RBM47: variants seen among roughly 807,000 people sequenced by gnomAD.
RBM47 encodes RNA binding motif protein 47, also known as RNA-binding protein 47.
Under a neutral mutation model 47.1 loss-of-function variants are expected in RBM47, and 21 were observed. That is an observed-to-expected ratio of 0.45 (90% CI 0.32 to 0.64). The LOEUF (loss-of-function observed/expected upper bound fraction) is 0.64, where lower values mean the gene tolerates loss of function less well. Among genes scored for constraint, RBM47 ranks in the 30% least tolerant of loss-of-function variants. RBM47 has a pLI of 0.05. For missense variants in RBM47, 708 were observed against 870.9 expected (o/e 0.81, Z 2.35); for synonymous variants, 375 against 361.7 (o/e 1.04, Z -0.42).
intron 5 of RBM47, 90 bp downstream of exon 5, chr4:40,436,351 T>C (rs1712401314): frequency 7.8e-7 from 1 of 1,286,234 alleles, no homozygotes; most frequent in Admixed American, 1.8e-5. Context: ...TGTGCAGATG[T>C]GAGAGCCTGA....
At chr4:40,592,845 T>C (rs1298781034) in intron 1 of RBM47, among the ~76,000 whole-genome samples, 2 of 149,258 alleles carry the variant, frequency 1.3e-5, no homozygotes, top group East Asian at 4.0e-4. Context: ...CGACCCCTTA[T>C]TTCTTCTTGT....
intron 2 of RBM47, among the ~76,000 whole-genome samples, chr4:40,538,696 G>A (rs182159497): frequency 6.6e-6 from 1 of 151,986 alleles, no homozygotes; most frequent in Admixed American, 6.6e-5. Context: ...GAGTGGAGTG[G>A]CACAATCTTG....
chr4:40,449,186 C>A (rs578143908), intron 3 of RBM47, among the ~76,000 whole-genome samples: 1 of 152,082 alleles, frequency 6.6e-6, no homozygotes, highest in Admixed American at 6.6e-5. Context: ...AACAATAAGC[C>A]GAAGACTTTG....
At chr4:40,507,656 G>A (rs541418312) in intron 2 of RBM47, among the ~76,000 whole-genome samples, 9 of 151,768 alleles carry the variant, frequency 5.9e-5, no homozygotes, top group South Asian at 2.1e-4. Context: ...GCGTGGTGGC[G>A]TGCACCTGTA....
intron 1 of RBM47, among the ~76,000 whole-genome samples, chr4:40,553,460 G>A (rs1315022948): frequency 6.6e-6 from 1 of 151,984 alleles, no homozygotes; most frequent in Non-Finnish European, 1.5e-5. Context: ...ACTATGCATG[G>A]CTATTTTTTG....
At chr4:40,621,021 C>T (rs1254645137) in intron 1 of RBM47, among the ~76,000 whole-genome samples, 2 of 151,382 alleles carry the variant, frequency 1.3e-5, no homozygotes, top group African/African-American at 4.9e-5. Context: ...AAAAAAAAAC[C>T]CAAAATCCAA....
chr4:40,563,712 A>G (rs993465932), intron 1 of RBM47, among the ~76,000 whole-genome samples: 2 of 152,198 alleles, frequency 1.3e-5, no homozygotes, highest in African/African-American at 4.8e-5. Flanking sequence ...CAGAGGGGTA[A>G]TCAACACCCC....
chr4:40,578,358 G>A (rs1008395423), intron 1 of RBM47, among the ~76,000 whole-genome samples: 1 of 152,036 alleles, frequency 6.6e-6, no homozygotes, highest in South Asian at 2.1e-4. Context: ...TCTTCTGCTC[G>A]GCTGACTGGA....
At chr4:40,544,291 T>A (rs1227084728) in intron 2 of RBM47, 131 bp downstream of exon 2, 3 of 152,194 alleles carry the variant, frequency 2.0e-5, no homozygotes, top group Non-Finnish European at 4.4e-5. Flanking sequence ...AACAATACGT[T>A]TGTAAAAACA....
chr4:40,437,090 A>AAAAAAAATATATATATAT (rs1256296949), intron 4 of RBM47, among the ~76,000 whole-genome samples: 1 of 49,850 alleles, frequency 2.0e-5, no homozygotes, highest in African/African-American at 1.1e-4. Context: ...AAAAAAAAAA[A>AAAAAAAATATATATATAT]ATATATATAT....
Position 40,438,224 on chromosome 4 carries a change from G to T in RBM47, c.670C>A (p.His224Asn). Residue 224 changes from histidine (H) to asparagine (N), a missense_variant, in exon 4 of 7, where the codon CAC (histidine) becomes AAC (asparagine). Transcript: ENST00000295971. ...LMPGRIQLWG[H>N]QIAVDWAEPE... is the part of the protein sequence containing the mutation. ...TCGGCCCAGTCCACGGCGATCTGGT[G>T]GCCCCACAGCTGGATGCGGCCAGGC... 6.2e-7 allele frequency: 1 copy of T among 1,605,618 alleles called. No homozygotes were observed. The highest frequency in any genetic ancestry group is 8.5e-7 in the Non-Finnish European group (1 of 1,179,942).
At chr4:40,459,730 C>CATTT (rs1716823450) in intron 3 of RBM47, among the ~76,000 whole-genome samples, 1 of 151,996 alleles carries the variant, frequency 6.6e-6, no homozygotes, top group Non-Finnish European at 1.5e-5. Flanking sequence ...CAGGAGTTGG[C>CATTT]ATTTCTTTCT....
At chr4:40,565,775 A>G (rs1023635316) in intron 1 of RBM47, among the ~76,000 whole-genome samples, 1 of 152,192 alleles carries the variant, frequency 6.6e-6, no homozygotes, top group Non-Finnish European at 1.5e-5. Context: ...AGGATAAATG[A>G]TAAAGAAACA....
intron 1 of RBM47, among the ~76,000 whole-genome samples, chr4:40,622,117 C>A (rs1737322227): frequency 6.6e-6 from 1 of 152,204 alleles, no homozygotes; most frequent in African/African-American, 2.4e-5. Context: ...GGCAGACGCT[C>A]CTCTAATGTG....
intron 1 of RBM47, among the ~76,000 whole-genome samples, chr4:40,548,277 T>A (rs1021839144): frequency 2.0e-5 from 3 of 152,080 alleles, no homozygotes; most frequent in African/African-American, 7.2e-5. Flanking sequence ...TGCAGGGACA[T>A]AAGAGCGTAC....
At chr4:40,581,167 A>C (rs1732869729) in intron 1 of RBM47, among the ~76,000 whole-genome samples, 1 of 152,090 alleles carries the variant, frequency 6.6e-6, no homozygotes, top group African/African-American at 2.4e-5. Flanking sequence ...CAGGCCTATA[A>C]TCCCAGTACT....
chr4:40,573,152 C>T (rs566838285), intron 1 of RBM47, among the ~76,000 whole-genome samples: 2,559 of 63,966 alleles, frequency 0.04, 116 homozygotes, highest in Middle Eastern at 0.09. Context: ...GACTTCATCT[C>T]AAAAAAAAAA....
intron 2 of RBM47, among the ~76,000 whole-genome samples, chr4:40,489,221 G>A (rs1429764446): frequency 6.6e-6 from 1 of 152,048 alleles, no homozygotes; most frequent in Non-Finnish European, 1.5e-5. Context: ...GGGGAATGGA[G>A]ATAACAGTTA....
chr4:40,590,528 A>G (rs1056377635), intron 1 of RBM47, among the ~76,000 whole-genome samples: 2 of 152,200 alleles, frequency 1.3e-5, no homozygotes, highest in African/African-American at 2.4e-5. Flanking sequence ...CCAGTCTCCA[A>G]GCCTTAGACA....
Sources: allele counts gnomAD v4.1 joint callset (sites outside exome capture counted in the v4.1 genomes callset), GRCh38; gene constraint gnomAD v4.1.1; transcripts MANE v1.5; gene names NCBI Gene and HGNC (gene_info 2026-07-23, HGNC 2026-07-21).